The following CSMD1 variants were observed in gnomAD, a reference collection of about 807,000 sequenced individuals.
CSMD1 encodes CUB and sushi domain-containing protein 1.
A neutral mutation model predicts 417.5 loss-of-function variants in CSMD1; 213 were observed. The ratio of observed to expected loss-of-function variants is 0.51; its 90% CI spans 0.46 to 0.57. The LOEUF (loss-of-function observed/expected upper bound fraction) is 0.57. Ranked by LOEUF, CSMD1 falls within the 20% of genes least tolerant of loss-of-function variation. CSMD1 has a pLI of 0.00. For synonymous variants in CSMD1, 2,862 were observed against 1,736.8 expected (o/e 1.65, Z -16.11); for missense variants, 6,923 against 4,529.7 (o/e 1.53, Z -15.17).
Position 3,629,083 on chromosome 8 carries a change from G to C in CSMD1, c.1010-12286C>G, listed in dbSNP as rs115953814. Among the ~76,000 whole-genome samples the C allele has an allele frequency of 3.9e-3, 595 of 152,272 alleles. 4 individuals carry two copies. The highest frequency in any genetic ancestry group is 0.013 in the African/African-American group (548 of 41,562). Reference sequence around the variant, plus strand: ...ACAGTTATCGACACAAGAGGAGTGAGAAGTCGGGGGAAGAAGGGGTGTGCA... The same window carrying C: ...ACAGTTATCGACACAAGAGGAGTGACAAGTCGGGGGAAGAAGGGGTGTGCA... On this transcript the variant is annotated intron_variant, in intron 7 of 69. Transcript: ENST00000635120.
At chr8:3,796,625 T>C (rs896746813) in intron 5 of CSMD1, among the ~76,000 whole-genome samples, 14 of 148,732 alleles carry the variant, frequency 9.4e-5, no homozygotes, top group African/African-American at 2.9e-4. Context: ...TATAGATATA[T>C]ATCTTCTAAT....
At chr8:3,438,733 G>A (rs917343324) in intron 12 of CSMD1, among the ~76,000 whole-genome samples, 4 of 152,062 alleles carry the variant, frequency 2.6e-5, no homozygotes, top group African/African-American at 7.2e-5. Context: ...TTATTATTAT[G>A]TTATGTGAAC....
At chr8:4,107,172 A>G (rs1353232816) in intron 3 of CSMD1, among the ~76,000 whole-genome samples, 1 of 152,190 alleles carries the variant, frequency 6.6e-6, no homozygotes, top group Non-Finnish European at 1.5e-5. Flanking sequence ...ACTTCAGAAA[A>G]CAAATGCAAC....
At chr8:3,411,669 CGTGTATAT>C (rs1812708593) in intron 12 of CSMD1, among the ~76,000 whole-genome samples, 1 of 102,262 alleles carries the variant, frequency 9.8e-6, no homozygotes. Flanking sequence ...TATATATATA[CGTGTATAT>C]ATACGTGTAT....
rs1801638475 is a variant in CSMD1, at chr8:4,107,682, A to G, written c.416-75583T>C. Reference sequence around the variant, plus strand: ...AAGTACAATCCATCATCTGTGTCCAACATGACAGGGAACCGGGCAGCGCAC... The same window carrying G: ...AAGTACAATCCATCATCTGTGTCCAGCATGACAGGGAACCGGGCAGCGCAC... On this transcript the variant is annotated intron_variant, in intron 3 of 69. Transcript: ENST00000635120. 2.0e-5 allele frequency among the ~76,000 whole-genome samples: 3 copies of G among 152,122 alleles called. No individual in the cohort carries two copies. In the South Asian group the frequency reaches 6.2e-4, roughly 32 times the overall value.
intron 2 of CSMD1, among the ~76,000 whole-genome samples, chr8:4,436,815 C>CAG (rs1798174522): frequency 6.6e-6 from 1 of 152,128 alleles, no homozygotes; most frequent in Non-Finnish European, 1.5e-5. Flanking sequence ...CAATGATCTC[C>CAG]AGCTCTAGCC....
At chr8:3,307,594 G>T (rs1005700923) in intron 25 of CSMD1, 101 bp downstream of exon 25, 4 of 1,330,794 alleles carry the variant, frequency 3.0e-6, no homozygotes, top group Admixed American at 2.3e-5. Context: ...CTTTAGTTCA[G>T]AAACTTTAAC....
chr8:4,145,233 C>T (rs1277935607), intron 3 of CSMD1, among the ~76,000 whole-genome samples: 1 of 150,908 alleles, frequency 6.6e-6, no homozygotes, highest in East Asian at 1.9e-4. Context: ...CCAAATAGGA[C>T]ATTCATGACC....
rs189623638 is a variant in CSMD1, at chr8:4,483,143, G to A, written c.303-63078C>T. ...TCTCCTGGTGGTGGATAAGTCTCAT[G>A]AGATCCGATGGTTTGATAAGGGGTA... On this transcript the variant is annotated intron_variant, in intron 2 of 69. Transcript: ENST00000635120. Among the ~76,000 whole-genome samples the A allele has an allele frequency of 1.6e-3, 245 of 152,224 alleles. 1 individual carries two copies. The highest frequency in any genetic ancestry group is 5.2e-3 in the African/African-American group (214 of 41,528).
intron 37 of CSMD1, among the ~76,000 whole-genome samples, chr8:3,168,207 G>A (rs903562241): frequency 6.6e-6 from 1 of 152,200 alleles, no homozygotes; most frequent in South Asian, 2.1e-4. Context: ...ACAGACACCT[G>A]AGTATTCAAC....
At chr8:4,872,667 G>C (rs975288945) in intron 1 of CSMD1, among the ~76,000 whole-genome samples, 4 of 152,072 alleles carry the variant, frequency 2.6e-5, no homozygotes, top group African/African-American at 9.7e-5. Context: ...GAAATTGCGA[G>C]AGTAGAATTC....
chr8:4,653,069 C>A (rs1804010943), intron 1 of CSMD1, among the ~76,000 whole-genome samples: 1 of 151,990 alleles, frequency 6.6e-6, no homozygotes, highest in Admixed American at 6.6e-5. Flanking sequence ...GGGGACCCCG[C>A]TCTAGAGGAT....
intron 2 of CSMD1, among the ~76,000 whole-genome samples, chr8:4,432,665 G>C (rs545217171): frequency 2.2e-4 from 33 of 152,268 alleles, no homozygotes; most frequent in African/African-American, 7.5e-4. Context: ...TGGAGAGCAG[G>C]AGAGACAAGA....
At chr8:4,214,628 G>C (rs757540879) in intron 3 of CSMD1, among the ~76,000 whole-genome samples, 18 of 152,088 alleles carry the variant, frequency 1.2e-4, no homozygotes, top group Non-Finnish European at 2.4e-4. Context: ...CAGAAACACT[G>C]AGTATGTATT....
chr8:3,751,985 G>A (rs1797365716), intron 6 of CSMD1, among the ~76,000 whole-genome samples: 1 of 152,132 alleles, frequency 6.6e-6, no homozygotes, highest in Admixed American at 6.5e-5. Flanking sequence ...GGTACGGGAT[G>A]GACATATCCA....
chr8:3,681,335 G>A (rs921124162), intron 7 of CSMD1, among the ~76,000 whole-genome samples: 2 of 152,180 alleles, frequency 1.3e-5, no homozygotes, highest in Non-Finnish European at 2.9e-5. Context: ...AGCAACTTCA[G>A]CAAAGTCTCA....
At chr8:3,834,707 G>A (rs1057250413) in intron 5 of CSMD1, among the ~76,000 whole-genome samples, 4 of 151,860 alleles carry the variant, frequency 2.6e-5, no homozygotes, top group African/African-American at 7.3e-5. Context: ...AAAAGTCTTG[G>A]GCAGATTAGA....
intron 23 of CSMD1, among the ~76,000 whole-genome samples, chr8:3,311,913 C>T (rs868251889): frequency 2.6e-5 from 4 of 152,090 alleles, no homozygotes; most frequent in Non-Finnish European, 4.4e-5. Context: ...ATGCTTTAAA[C>T]GTTATCCAGA....
Position 4,307,694 on chromosome 8 carries a change from C to A in CSMD1, c.415+112259G>T, listed in dbSNP as rs756933147. Among the ~76,000 whole-genome samples the A allele has an allele frequency of 2.0e-5, 3 of 152,060 alleles. No individual in the cohort carries two copies. In the South Asian group the frequency reaches 6.2e-4, roughly 32 times the overall value. Reference sequence around the variant, plus strand: ...ACAAATTTGTTGGTGACTTTGCAAACGAACAGCACGATGCTCTTGACCATG... The same window carrying A: ...ACAAATTTGTTGGTGACTTTGCAAAAGAACAGCACGATGCTCTTGACCATG... On this transcript the variant is annotated intron_variant, in intron 3 of 69. Coordinates refer to ENST00000635120, the MANE Select transcript of CSMD1 (RefSeq NM_033225.6).
Sources: gnomAD v4.1 joint callset for allele counts (sites outside exome capture counted in the v4.1 genomes callset) on GRCh38, gnomAD v4.1.1 for gene constraint, MANE v1.5 for transcripts, NCBI Gene and HGNC (gene_info 2026-07-23, HGNC 2026-07-21) for gene names.